The following LARP1B variants were observed in gnomAD, a reference collection of about 807,000 sequenced individuals.
The protein encoded by LARP1B is la-related protein 1B.
In LARP1B, 76 loss-of-function variants were observed where a neutral mutation model predicts 114.2. That is an observed-to-expected ratio of 0.67 (90% confidence interval 0.55 to 0.81). The LOEUF (loss-of-function observed/expected upper bound fraction) is 0.81, where lower values mean the gene tolerates loss of function less well. LARP1B is among the 30% of genes least tolerant of loss of function. The pLI, the probability that LARP1B is intolerant of heterozygous loss-of-function variation, is 0.00. For synonymous variants in LARP1B, 345 were observed against 348.0 expected (o/e 0.99, Z 0.10); for missense variants, 1,014 against 1,075.8 (o/e 0.94, Z 0.80).
chr4:128,062,296 C>T, intron 1 of LARP1B: 2 of 984,816 alleles, frequency 2.0e-6, no homozygotes, highest in African/African-American at 1.7e-5. Context: ...CGCGTGGCGG[C>T]GGTAGCGGGC....
chr4:128,068,612 A>G (rs1018320952), intron 1 of LARP1B, among the ~76,000 whole-genome samples: 2 of 151,770 alleles, frequency 1.3e-5, no homozygotes. Flanking sequence ...GTCTCACTAT[A>G]TTGCCCAGGC....
At chr4:128,091,230 CTT>C (rs1775808109) in intron 6 of LARP1B, 86 bp downstream of exon 6, 1 of 1,542,638 alleles carries the variant, frequency 6.5e-7, no homozygotes, top group Admixed American at 2.0e-5. Flanking sequence ...AACTAATTTT[CTT>C]TGTCTGATAA....
chr4:128,106,030 C>CT (rs34671395), intron 8 of LARP1B, among the ~76,000 whole-genome samples: 4,192 of 146,120 alleles, frequency 0.029, 161 homozygotes, highest in African/African-American at 0.095. Flanking sequence ...GGATAATGTT[C>CT]TTTTTTTTTT....
chr4:128,139,012 T>G (rs1450484058), intron 11 of LARP1B, among the ~76,000 whole-genome samples: 2 of 152,086 alleles, frequency 1.3e-5, no homozygotes, highest in African/African-American at 2.4e-5. Flanking sequence ...AATATAGCAG[T>G]TTTTTAAAAA....
chr4:128,066,134 G>A (rs1039574123), intron 1 of LARP1B, among the ~76,000 whole-genome samples: 104 of 148,640 alleles, frequency 7.0e-4, no homozygotes, highest in Non-Finnish European at 8.2e-4. Context: ...CCTGCCTGGC[G>A]GCTTTCTATT....
rs1758726598 is a variant in LARP1B, at chr4:128,210,170, ATCT to A, written c.*121_*123del. On this transcript the variant is annotated 3_prime_UTR_variant, in exon 20 of 20. Transcript: ENST00000326639. ...TTACATCAGTATTTATTTGGGGAAA[ATCT>A]TCTGGTGTTTAATTGTGATAATAAG... The A allele has an allele frequency of 1.3e-6, 2 of 1,522,748 alleles. No individual in the cohort carries two copies. Among genetic ancestry groups the A allele is most frequent in the Admixed American group, 2.2e-5 (1 of 45,790 alleles). The allele number at this position is 1,522,748 out of a possible 1,614,324, so 94.3% of individuals were successfully genotyped here.
rs1229415688 is a variant in LARP1B, at chr4:128,210,433, T to G, written c.*380T>G. The G allele has an allele frequency of 1.9e-6, 2 of 1,028,946 alleles. No individual in the cohort carries two copies. Among genetic ancestry groups the G allele is most frequent in the Non-Finnish European group, 2.3e-6 (2 of 854,112 alleles). The allele number at this position is 1,028,946 out of a possible 1,614,324, so 63.7% of individuals were successfully genotyped here. The stretch of plus-strand genomic sequence containing the variant: ...GCCTAACATTTCAGCTCATACTTCT[T>G]AAAGAAGATATAGTATGTTGTATTC... On this transcript the variant is annotated 3_prime_UTR_variant, in exon 20 of 20. Transcript: ENST00000326639.
At chr4:128,061,095 C>T (rs1052204179), upstream of LARP1B, among the ~76,000 whole-genome samples, 5 of 151,992 alleles carry the variant, frequency 3.3e-5, no homozygotes, top group African/African-American at 1.2e-4. Flanking sequence ...AGCCAGTGAG[C>T]CGGGAGTCGT....
At chr4:128,197,550 TG>T (rs1328497695) in intron 15 of LARP1B, among the ~76,000 whole-genome samples, 1 of 151,862 alleles carries the variant, frequency 6.6e-6, no homozygotes, top group Non-Finnish European at 1.5e-5. Flanking sequence ...AAAAATTAGT[TG>T]GGTGTGGTGG....
intron 7 of LARP1B, among the ~76,000 whole-genome samples, chr4:128,221,332 A>G (rs531736061): frequency 4.4e-4 from 67 of 152,330 alleles, no homozygotes; most frequent in South Asian, 1.9e-3. Flanking sequence ...ATTATTGACA[A>G]CTGAAGATTC....
chr4:128,137,947 C>T (rs2150174938), intron 11 of LARP1B, among the ~76,000 whole-genome samples: 1 of 151,984 alleles, frequency 6.6e-6, no homozygotes, highest in East Asian at 1.9e-4. Context: ...CACCACCAAA[C>T]CTGGCTAATT....
At chr4:128,120,825 T>C (rs1391727422) in intron 10 of LARP1B, among the ~76,000 whole-genome samples, 1 of 112,048 alleles carries the variant, frequency 8.9e-6, no homozygotes, top group Admixed American at 1.0e-4. Flanking sequence ...TTTTTTTTTT[T>C]CTTCAGACAG....
At position 128,083,242 on chromosome 4, in the gene LARP1B, C is replaced by T. The variant is rs1182421651; in HGVS notation, c.358+937C>T. Among the ~76,000 whole-genome samples, 13 of 152,270 alleles carry T rather than the reference C, an allele frequency of 8.5e-5. No homozygotes were observed. The South Asian group carries it at 2.1e-3, about 24-fold the overall frequency. On this transcript the variant is annotated intron_variant, in intron 5 of 19. Transcript: ENST00000326639. ...TTTCCACACAGACACGGCAACCATC[C>T]GATTTCTCAATCTTTTCCCCACCTT... is the stretch of plus-strand genomic sequence containing the variant.
downstream of LARP1B, among the ~76,000 whole-genome samples, chr4:128,213,400 T>G (rs1261967356): frequency 6.6e-6 from 1 of 152,214 alleles, no homozygotes; most frequent in African/African-American, 2.4e-5. Context: ...GATTATCTCT[T>G]TCTGATAAAT....
Position 128,199,444 on chromosome 4 carries a change from CA to C in LARP1B, c.2012del (p.Asn671MetfsTer10). On this transcript the variant is annotated frameshift_variant, in exon 16 of 20. Coordinates refer to ENST00000326639, the MANE Select transcript of LARP1B (RefSeq NM_018078.4). LOFTEE classifies it high-confidence loss of function. Reference sequence around the variant, plus strand: ...TTTTCCCCTTTCTCAAACAGCACTTCAAATGCTTCACCTTCAGAAGGCGCAC... The same window carrying C: ...TTTTCCCCTTTCTCAAACAGCACTTCAATGCTTCACCTTCAGAAGGCGCAC... ...RGPGTSSVST[S>X]NASPSEGAPL... 1 of 1,513,598 alleles carries C rather than the reference CA, an allele frequency of 6.6e-7. No homozygotes were observed. 93.8% of individuals were successfully genotyped at this position (1,513,598 alleles called of 1,614,324 possible). A position where few individuals can be genotyped will look rare whatever the true frequency, so the allele number is the denominator to read the frequency against.
chr4:128,196,458 G>T (rs1754153112), intron 15 of LARP1B, among the ~76,000 whole-genome samples: 1 of 151,676 alleles, frequency 6.6e-6, no homozygotes, highest in South Asian at 2.1e-4. Flanking sequence ...GGTTGAAGCT[G>T]CAGTGAGCCA....
At chr4:128,197,744 A>G (rs963275225) in intron 15 of LARP1B, among the ~76,000 whole-genome samples, 2 of 152,182 alleles carry the variant, frequency 1.3e-5, no homozygotes, top group Non-Finnish European at 2.9e-5. Context: ...TTCATTTTCA[A>G]GGAAATATCT....
chr4:128,145,512 C>T (rs1729944469), intron 11 of LARP1B, among the ~76,000 whole-genome samples: 1 of 152,164 alleles, frequency 6.6e-6, no homozygotes, highest in Admixed American at 6.5e-5. Flanking sequence ...TGCTCTGCCT[C>T]CAGCCAAGGA....
chr4:128,061,558 A>T, intron 1 of LARP1B, 157 bp downstream of exon 1: 14 of 455,390 alleles, frequency 3.1e-5, no homozygotes, highest in South Asian at 9.1e-5. Flanking sequence ...GGGCGGCGGC[A>T]GCGGCGGCCA....
Sources: allele counts gnomAD v4.1 joint callset (sites outside exome capture counted in the v4.1 genomes callset), GRCh38; gene constraint gnomAD v4.1.1; transcripts MANE v1.5; gene names NCBI Gene and HGNC (gene_info 2026-07-23, HGNC 2026-07-21).